The following STX8 variants were observed in gnomAD, a reference collection of about 807,000 sequenced individuals.
STX8 encodes syntaxin 8, also known as syntaxin-8.
STX8 carries 23 observed loss-of-function variants against 37.5 expected under a neutral mutation model. The ratio of observed to expected loss-of-function variants is 0.61; its 90% confidence interval spans 0.44 to 0.87. The LOEUF is 0.87. Ranked by LOEUF, STX8 falls within the 40% of genes least tolerant of loss-of-function variation. The pLI, the probability that STX8 is intolerant of heterozygous loss-of-function variation, is 0.00. For synonymous variants in STX8, 115 were observed against 99.1 expected, an observed-to-expected ratio of 1.16 and a Z score of -0.95; for missense variants, 313 against 284.7, an observed-to-expected ratio of 1.10 and a Z score of -0.71.
chr17:9,302,190 C>T lies in STX8; in HGVS notation c.644-51545G>A, dbSNP rs186597951. Among the ~76,000 whole-genome samples the T allele has an allele frequency of 2.7e-4, 41 of 152,138 alleles. No homozygotes were observed. The East Asian group carries it at 5.4e-3, about 20-fold the overall frequency. ...GAAGTTTTCTAGAAGATCATTGAAC[C>T]GTTAATTAGTATAAATTTATAAATA... is the stretch of plus-strand genomic sequence containing the variant. On this transcript the variant is annotated intron_variant, in intron 7 of 7. Transcript: ENST00000306357.
chr17:9,499,844 T>G (rs1597710535), intron 5 of STX8, among the ~76,000 whole-genome samples: 1 of 152,334 alleles, frequency 6.6e-6, no homozygotes, highest in East Asian at 1.9e-4. Flanking sequence ...AAGCTCTGTT[T>G]TGGAGACTGT....
rs969580989 is a variant in STX8, at chr17:9,304,009, ATAAT to A, written c.644-53368_644-53365del. 1.3e-3 allele frequency among the ~76,000 whole-genome samples: 171 copies of A among 135,860 alleles called. 1 individual carries two copies. Among genetic ancestry groups the A allele is most frequent in the African/African-American group, 5.2e-3 (162 of 31,012 alleles). 89.1% of individuals were successfully genotyped at this position (135,860 alleles called of 152,430 possible). On this transcript the variant is annotated intron_variant, in intron 7 of 7. Coordinates refer to ENST00000306357, the MANE Select transcript of STX8 (RefSeq NM_004853.3). Reference sequence around the variant, plus strand: ...CATCATAAGCAATGTCAAAGGCCAAATAATTAGGAAAAAAATATTTGAAATTCAT... The same window carrying A: ...CATCATAAGCAATGTCAAAGGCCAAATAGGAAAAAAATATTTGAAATTCAT...
At chr17:9,540,703 C>T (rs748159211) in intron 4 of STX8, 9 of 152,204 alleles carry the variant, frequency 5.9e-5, no homozygotes, top group Non-Finnish European at 1.2e-4. Flanking sequence ...CCACAGGAGT[C>T]ATTTCTCCTT....
intron 7 of STX8, among the ~76,000 whole-genome samples, chr17:9,294,229 T>C (rs1908430151): frequency 1.3e-5 from 2 of 152,176 alleles, no homozygotes; most frequent in Admixed American, 6.5e-5. Flanking sequence ...GTGAGAGAGA[T>C]GGCGTAACAC....
chr17:9,276,616 GTTTA>G (rs974197887), intron 7 of STX8, among the ~76,000 whole-genome samples: 6 of 148,750 alleles, frequency 4.0e-5, no homozygotes, highest in Non-Finnish European at 7.5e-5. Context: ...GTTTTTGTTT[GTTTA>G]TTTGTTTGTT....
chr17:9,453,802 T>A (rs1905113825), intron 6 of STX8, among the ~76,000 whole-genome samples: 1 of 152,068 alleles, frequency 6.6e-6, no homozygotes, highest in African/African-American at 2.4e-5. Context: ...TACTTGTCTT[T>A]CTTATGGAGG....
At chr17:9,488,310 G>C (rs997454827) in intron 6 of STX8, among the ~76,000 whole-genome samples, 7 of 141,066 alleles carry the variant, frequency 5.0e-5, no homozygotes, top group Admixed American at 4.4e-4. Context: ...TGGGCAACAA[G>C]GGCGAAACTC....
At chr17:9,565,422 C>A (rs1907415744) in intron 2 of STX8, among the ~76,000 whole-genome samples, 1 of 152,038 alleles carries the variant, frequency 6.6e-6, no homozygotes, top group South Asian at 2.1e-4. Context: ...TCGAGACCAG[C>A]CTGGCCAACA....
At chr17:9,355,837 A>G (rs1482521523) in intron 7 of STX8, among the ~76,000 whole-genome samples, 1 of 152,030 alleles carries the variant, frequency 6.6e-6, no homozygotes, top group Non-Finnish European at 1.5e-5. Flanking sequence ...ACTTTTGTAG[A>G]GACAGGGTCT....
At position 9,280,425 on chromosome 17, in the gene STX8, C is replaced by T. The variant is rs919275956; in HGVS notation, c.644-29780G>A. Among the ~76,000 whole-genome samples the T allele has an allele frequency of 4.6e-5, 7 of 152,116 alleles. No individual in the cohort carries two copies. The South Asian group carries it at 6.2e-4, about 14-fold the overall frequency. Reference sequence around the variant, plus strand: ...AAAATTAGCCGGGTGTGGTGGCGGGCGCCTGTAATCCCAGCTACTTGGGAG... The same window carrying T: ...AAAATTAGCCGGGTGTGGTGGCGGGTGCCTGTAATCCCAGCTACTTGGGAG... On this transcript the variant is annotated intron_variant, in intron 7 of 7. Transcript: ENST00000306357.
chr17:9,569,748 C>CTT (rs1351640782), intron 1 of STX8: 5 of 152,052 alleles, frequency 3.3e-5, no homozygotes, highest in Non-Finnish European at 7.3e-5. Context: ...AAGTTCGAGA[C>CTT]CAGCCTGGCC....
Position 9,445,388 on chromosome 17 carries a change from G to A in STX8, c.541+46441C>T, listed in dbSNP as rs571566200. Among the ~76,000 whole-genome samples the A allele has an allele frequency of 4.0e-5, 6 of 151,404 alleles. No homozygotes were observed. In the East Asian group the frequency reaches 1.2e-3, roughly 29 times the overall value. ...TGTTTGGTAAAAAACAAATGAAAAG[G>A]TACAGCTTGTTAACACCACTCAGAG... On this transcript the variant is annotated intron_variant, in intron 6 of 7. Coordinates refer to ENST00000306357, the MANE Select transcript of STX8 (RefSeq NM_004853.3).
intron 2 of STX8, among the ~76,000 whole-genome samples, chr17:9,567,605 T>G (rs897442213): frequency 6.6e-6 from 1 of 152,264 alleles, no homozygotes; most frequent in East Asian, 1.9e-4. Flanking sequence ...GTCACAAGTA[T>G]AAACTTGTGA....
At chr17:9,416,349 T>C (rs368800479) in intron 6 of STX8, among the ~76,000 whole-genome samples, 12 of 152,000 alleles carry the variant, frequency 7.9e-5, no homozygotes, top group East Asian at 7.7e-4. Context: ...AAATTAACTA[T>C]GGGAGGAATT....
At chr17:9,378,475 A>C in intron 7 of STX8, 77 bp downstream of exon 7, 1 of 1,311,154 alleles carries the variant, frequency 7.6e-7, no homozygotes, top group Non-Finnish European at 1.1e-6. Context: ...CACAGTAATT[A>C]GACAAACAGG....
chr17:9,282,731 A>G (rs977685252), intron 7 of STX8, among the ~76,000 whole-genome samples: 2 of 151,978 alleles, frequency 1.3e-5, no homozygotes, highest in Non-Finnish European at 2.9e-5. Flanking sequence ...CCTACGAGAC[A>G]CTCCTCTGGC....
At chr17:9,429,681 C>G (rs142433836) in intron 6 of STX8, among the ~76,000 whole-genome samples, 1 of 115,532 alleles carries the variant, frequency 8.7e-6, no homozygotes, top group East Asian at 2.4e-4. Context: ...CCAGCCTGGG[C>G]GACAGTGCAA....
chr17:9,414,236 T>G (rs530553016), intron 6 of STX8, among the ~76,000 whole-genome samples: 2 of 150,830 alleles, frequency 1.3e-5, no homozygotes, highest in African/African-American at 4.9e-5. Flanking sequence ...AGCTACAGAA[T>G]TTCCCTAAGA....
At chr17:9,446,251 C>T (rs1181859789) in intron 6 of STX8, among the ~76,000 whole-genome samples, 2 of 152,204 alleles carry the variant, frequency 1.3e-5, no homozygotes, top group Admixed American at 1.3e-4. Context: ...GAATGCCTGG[C>T]ACATAGTAGA....
Sources: allele counts gnomAD v4.1 joint callset (sites outside exome capture counted in the v4.1 genomes callset), GRCh38; gene constraint gnomAD v4.1.1; transcripts MANE v1.5; gene names NCBI Gene and HGNC (gene_info 2026-07-23, HGNC 2026-07-21).